Variants in FNDC3A observed in about 807,000 individuals in gnomAD.
FNDC3A encodes the protein fibronectin type-III domain-containing protein 3A.
FNDC3A carries 32 observed loss-of-function variants against 148.9 expected under a neutral mutation model. That is an observed-to-expected ratio of 0.21 (90% CI 0.16 to 0.29). The LOEUF (loss-of-function observed/expected upper bound fraction) is 0.29. Ranked by LOEUF, FNDC3A falls within the 10% of genes least tolerant of loss-of-function variation. FNDC3A has a pLI of 1.00. For missense variants in FNDC3A, 1,191 were observed against 1,452.8 expected (o/e 0.82, Z 2.93); for synonymous variants, 472 against 473.6 (o/e 1.00, Z 0.04).
intron 17 of FNDC3A, among the ~76,000 whole-genome samples, chr13:49,190,604 C>G (rs1246263129): frequency 2.6e-5 from 4 of 152,140 alleles, no homozygotes; most frequent in Admixed American, 2.0e-4. Flanking sequence ...CTCCTTACAA[C>G]AATACAAACA....
intron 7 of FNDC3A, among the ~76,000 whole-genome samples, chr13:49,142,831 T>G (rs1046910377): frequency 2.0e-5 from 3 of 152,222 alleles, no homozygotes; most frequent in African/African-American, 7.2e-5. Flanking sequence ...TCACTCTTTC[T>G]GTGACTTAAC....
chr13:49,121,673 C>T lies in FNDC3A; in HGVS notation c.252+6942C>T, dbSNP rs548780783. Among the ~76,000 whole-genome samples the T allele has an allele frequency of 2.0e-5, 3 of 152,252 alleles. No individual in the cohort carries two copies. The East Asian group carries it at 5.8e-4, about 29-fold the overall frequency. On this transcript the variant is annotated intron_variant, in intron 4 of 25. Coordinates refer to ENST00000492622, the MANE Select transcript of FNDC3A (RefSeq NM_001079673.2). ...AAAAATGATAAAGGGGATATCACCA[C>T]TGATCCCACAGAAATACAAACTACC...
intron 3 of FNDC3A, among the ~76,000 whole-genome samples, chr13:49,106,015 C>T (rs553675843): frequency 6.6e-6 from 1 of 152,150 alleles, no homozygotes; most frequent in African/African-American, 2.4e-5. Context: ...TCACTCTAAC[C>T]TCACTCCTTT....
chr13:49,063,554 C>A (rs1877045840), intron 2 of FNDC3A, among the ~76,000 whole-genome samples: 1 of 152,110 alleles, frequency 6.6e-6, no homozygotes, highest in Admixed American at 6.5e-5. Flanking sequence ...GGAAGCAATT[C>A]CTAAATTGTT....
At chr13:49,063,037 TTATA>T (rs1422621640) in intron 2 of FNDC3A, among the ~76,000 whole-genome samples, 14 of 152,318 alleles carry the variant, frequency 9.2e-5, no homozygotes, top group Non-Finnish European at 1.6e-4. Context: ...TTTCTCAACT[TTATA>T]TAGTGAATGA....
chr13:49,082,737 T>G (rs1445642703), intron 3 of FNDC3A, among the ~76,000 whole-genome samples: 1 of 151,182 alleles, frequency 6.6e-6, no homozygotes, highest in Non-Finnish European at 1.5e-5. Context: ...GTATAGGGAG[T>G]TAGAGCCCAA....
intron 8 of FNDC3A, among the ~76,000 whole-genome samples, chr13:49,148,209 A>G (rs575797079): frequency 6.6e-6 from 1 of 152,136 alleles, no homozygotes; most frequent in South Asian, 2.1e-4. Flanking sequence ...GCTGTGCAAA[A>G]GTTTTAGTTT....
chr13:49,162,550 A>G (rs1001951142), intron 8 of FNDC3A, among the ~76,000 whole-genome samples: 3 of 152,152 alleles, frequency 2.0e-5, no homozygotes, highest in Admixed American at 2.0e-4. Context: ...TGACGGGTTC[A>G]AACATCTTCC....
intron 2 of FNDC3A, among the ~76,000 whole-genome samples, chr13:49,064,411 C>CA (rs1555286178): frequency 0.57 from 51,220 of 89,792 alleles, 14,429 homozygotes; most frequent in Non-Finnish European, 0.67. Flanking sequence ...GCCCCCCCCC[C>CA]AAAAAAAAAA....
Position 49,114,419 on chromosome 13 carries a change from C to G in FNDC3A, c.176-236C>G, listed in dbSNP as rs553425708. On this transcript the variant is annotated intron_variant, in intron 3 of 25. Transcript: ENST00000492622. ...AAAAAGCCCTCCAACCTCCCCGCCC[C>G]CCACCACCCCTACCCCAGCAACTTT... Among the ~76,000 whole-genome samples, 210 of 151,528 alleles carry G rather than the reference C, an allele frequency of 1.4e-3. 1 individual carries two copies. Among genetic ancestry groups the G allele is most frequent in the Middle Eastern group, 3.4e-3 (1 of 294 alleles).
At chr13:49,071,391 T>TC (rs1877680817) in intron 2 of FNDC3A, among the ~76,000 whole-genome samples, 1 of 152,166 alleles carries the variant, frequency 6.6e-6, no homozygotes. Flanking sequence ...GGACATATAC[T>TC]CAGCAGTAGG....
intron 3 of FNDC3A, among the ~76,000 whole-genome samples, chr13:49,093,948 C>T (rs186522659): frequency 6.6e-6 from 1 of 152,212 alleles, no homozygotes; most frequent in African/African-American, 2.4e-5. Flanking sequence ...ATTGAGAGAA[C>T]ATGTTTTATT....
At chr13:49,168,833 GGAGACAA>G in intron 10 of FNDC3A, 82 bp downstream of exon 10, 4 of 1,284,728 alleles carry the variant, frequency 3.1e-6, no homozygotes, top group Non-Finnish European at 4.4e-6. Flanking sequence ...AATTGTTGCT[GGAGACAA>G]AGAGCTTTAA....
At chr13:49,134,089 A>G (rs1882189703) in intron 5 of FNDC3A, among the ~76,000 whole-genome samples, 1 of 152,208 alleles carries the variant, frequency 6.6e-6, no homozygotes, top group South Asian at 2.1e-4. Context: ...TTCTATATTC[A>G]GTATGTACTG....
At chr13:49,116,102 C>T (rs1880935574) in intron 4 of FNDC3A, among the ~76,000 whole-genome samples, 2 of 152,192 alleles carry the variant, frequency 1.3e-5, no homozygotes, top group Admixed American at 1.3e-4. Flanking sequence ...CAAGTTCTTT[C>T]AGTGCACTTA....
chr13:48,977,345 C>A (rs1951622394), intron 1 of FNDC3A, among the ~76,000 whole-genome samples: 1 of 152,182 alleles, frequency 6.6e-6, no homozygotes, highest in Admixed American at 6.5e-5. Context: ...TGAACTCTTA[C>A]TATAATATTT....
At chr13:49,190,822 A>G (rs559059886) in intron 17 of FNDC3A, among the ~76,000 whole-genome samples, 193 bp from the exon 18 acceptor site, 2 of 152,316 alleles carry the variant, frequency 1.3e-5, no homozygotes, top group African/African-American at 4.8e-5. Context: ...TTCTTTGTCT[A>G]TGAAAATTTT....
Position 49,093,107 on chromosome 13 carries a change from A to T in FNDC3A, c.175+17743A>T, listed in dbSNP as rs372933686. ...TTAGAATCAACTGGGGAGTTTAAAC[A>T]TACAGTTGTGTAGGCCCACATCAGC... On this transcript the variant is annotated intron_variant, in intron 3 of 25. Transcript: ENST00000492622. Among the ~76,000 whole-genome samples, 6 of 152,314 alleles carry T rather than the reference A, an allele frequency of 3.9e-5. No individual in the cohort carries two copies. The East Asian group carries it at 5.8e-4, about 15-fold the overall frequency.
In FNDC3A at chr13:49,187,129, A is replaced by G; in HGVS notation, c.1764A>G (p.Pro588=). ...CTTTGCTTCTTTGGATAGATCCACC[A>G]AAAGACAATGGCGGAGCAACCATCA... ...SHSFKITWDP[P]KDNGGATINK... is the part of the protein sequence containing the mutation. Residue 588 remains proline (P), a synonymous_variant, in exon 16 of 26, where the codon CCA becomes CCG. Coordinates refer to ENST00000492622, the MANE Select transcript of FNDC3A (RefSeq NM_001079673.2). 1 of 1,612,472 alleles carries G rather than the reference A, an allele frequency of 6.2e-7. No homozygotes were observed. The highest frequency in any genetic ancestry group is 8.5e-7 in the Non-Finnish European group (1 of 1,178,856).
Sources: gnomAD v4.1 joint callset for allele counts (sites outside exome capture counted in the v4.1 genomes callset) on GRCh38, gnomAD v4.1.1 for gene constraint, MANE v1.5 for transcripts, NCBI Gene and HGNC (gene_info 2026-07-23, HGNC 2026-07-21) for gene names.